ANO2: variants seen among roughly 807,000 people sequenced by gnomAD.
ANO2 encodes the protein anoctamin 2.
Under a neutral mutation model 124.2 loss-of-function variants are expected in ANO2, and 101 were observed. The ratio of observed to expected loss-of-function variants is 0.81; its 90% CI spans 0.69 to 0.96. The LOEUF (loss-of-function observed/expected upper bound fraction) is 0.96. Among genes scored for constraint, ANO2 ranks in the 40% least tolerant of loss-of-function variants. ANO2 has a pLI of 0.00. For synonymous variants in ANO2, 486 were observed against 482.5 expected (o/e 1.01, Z -0.09); for missense variants, 1,293 against 1,274.5 (o/e 1.01, Z -0.22).
intron 15 of ANO2, among the ~76,000 whole-genome samples, chr12:5,640,457 G>A (rs1350596206): frequency 2.0e-5 from 3 of 152,136 alleles, no homozygotes; most frequent in African/African-American, 7.2e-5. Flanking sequence ...CAGAATGGGA[G>A]GAAATTTTTG....
intron 13 of ANO2, among the ~76,000 whole-genome samples, chr12:5,737,947 C>T (rs1950941403): frequency 6.6e-6 from 1 of 152,210 alleles, no homozygotes; most frequent in Non-Finnish European, 1.5e-5. Flanking sequence ...GTATTAGCCT[C>T]AGGGTATATG....
At chr12:5,855,567 G>A (rs1325790539) in intron 3 of ANO2, among the ~76,000 whole-genome samples, 2 of 152,172 alleles carry the variant, frequency 1.3e-5, no homozygotes, top group African/African-American at 4.8e-5. Context: ...AAAGCCTTGG[G>A]TAGTCTAGAG....
At chr12:5,719,184 T>G (rs1370041615) in intron 14 of ANO2, among the ~76,000 whole-genome samples, 1 of 152,234 alleles carries the variant, frequency 6.6e-6, no homozygotes, top group African/African-American at 2.4e-5. Context: ...TGAGTCCAAC[T>G]TCCAACTGCC....
At chr12:5,874,149 C>A (rs1390027787) in intron 3 of ANO2, among the ~76,000 whole-genome samples, 3 of 152,164 alleles carry the variant, frequency 2.0e-5, no homozygotes, top group African/African-American at 4.8e-5. Context: ...GAAAAAAGAC[C>A]AGGAGGCTGA....
chr12:5,922,762 T>C lies in ANO2; in HGVS notation c.65A>G (p.Gln22Arg). The C allele has an allele frequency of 6.4e-7, 1 of 1,562,668 alleles. No individual in the cohort carries two copies. The highest frequency in any genetic ancestry group is 8.7e-7 in the Non-Finnish European group (1 of 1,154,932). The change falls in exon 2 of 25, where the codon CAG (glutamine) becomes CGG (arginine). Residue 22 changes from glutamine to arginine, a missense_variant. By Grantham distance (43) the Gln-to-Arg change is conservative (BLOSUM62 1). Transcript: ENST00000682330. ...GCCCTGGCCCCCTCTGGACCCTGCC[T>C]GAGGGCTCAGCCGGCGTGGGGAGCC... ...LPGSPRRLSPQAGSRGGQGPK... is the reference protein window; with the variant it reads ...LPGSPRRLSPRAGSRGGQGPK...
intron 14 of ANO2, among the ~76,000 whole-genome samples, chr12:5,669,533 C>A (rs189714883): frequency 1.3e-5 from 2 of 152,268 alleles, no homozygotes; most frequent in South Asian, 2.1e-4. Flanking sequence ...TTGTTTATTT[C>A]TCTTACCTGA....
At chr12:5,782,428 C>T (rs1159757755) in intron 10 of ANO2, among the ~76,000 whole-genome samples, 7 of 152,152 alleles carry the variant, frequency 4.6e-5, no homozygotes, top group Non-Finnish European at 7.3e-5. Flanking sequence ...ACCATTTATA[C>T]TTAATGTAAT....
At chr12:5,644,493 G>A (rs936670242) in intron 15 of ANO2, among the ~76,000 whole-genome samples, 1 of 152,050 alleles carries the variant, frequency 6.6e-6, no homozygotes, top group Admixed American at 6.5e-5. Flanking sequence ...TTTATCGACT[G>A]GACAATCTAA....
At chr12:5,689,760 A>T (rs1453776401) in intron 14 of ANO2, among the ~76,000 whole-genome samples, 1 of 152,098 alleles carries the variant, frequency 6.6e-6, no homozygotes, top group Non-Finnish European at 1.5e-5. Flanking sequence ...ACAGTCTTTG[A>T]TCTTCCCTGT....
chr12:5,887,924 T>C (rs115806178), intron 3 of ANO2, among the ~76,000 whole-genome samples: 119 of 152,172 alleles, frequency 7.8e-4, no homozygotes, highest in African/African-American at 2.7e-3. Flanking sequence ...TTCAGGTTTG[T>C]CTGCTCACAA....
At chr12:5,576,235 T>A (rs3759225) in intron 22 of ANO2, among the ~76,000 whole-genome samples, 2 of 152,118 alleles carry the variant, frequency 1.3e-5, no homozygotes, top group Admixed American at 6.5e-5. Context: ...AAAGAGCACA[T>A]GTCAACCACT....
intron 24 of ANO2, among the ~76,000 whole-genome samples, chr12:5,564,126 C>T (rs1241346765): frequency 6.6e-6 from 1 of 152,216 alleles, no homozygotes; most frequent in Non-Finnish European, 1.5e-5. Flanking sequence ...ACCCAACCCA[C>T]TGCTGACATT....
At chr12:5,831,809 T>C (rs1231041926) in intron 5 of ANO2, among the ~76,000 whole-genome samples, 2 of 152,126 alleles carry the variant, frequency 1.3e-5, no homozygotes, top group Non-Finnish European at 2.9e-5. Flanking sequence ...TCTTGCTCCA[T>C]TTTCTCATCA....
intron 16 of ANO2, among the ~76,000 whole-genome samples, chr12:5,625,798 A>G (rs1356945843): frequency 6.6e-6 from 1 of 152,100 alleles, no homozygotes; most frequent in African/African-American, 2.4e-5. Context: ...GCTCTACAAT[A>G]TGATTCACGA....
intron 1 of ANO2, among the ~76,000 whole-genome samples, chr12:5,941,564 AT>A (rs1478977221): frequency 2.0e-5 from 3 of 152,262 alleles, no homozygotes; most frequent in Admixed American, 6.5e-5. Flanking sequence ...AAGAAAAAAA[AT>A]AAAATAAAAA....
chr12:5,770,975 C>T (rs900748642), intron 10 of ANO2, among the ~76,000 whole-genome samples: 1 of 152,200 alleles, frequency 6.6e-6, no homozygotes, highest in African/African-American at 2.4e-5. Flanking sequence ...GTGATCACCC[C>T]ATCCCAAATG....
At chr12:5,913,236 A>T (rs1490813604) in intron 3 of ANO2, among the ~76,000 whole-genome samples, 1 of 152,208 alleles carries the variant, frequency 6.6e-6, no homozygotes, top group African/African-American at 2.4e-5. Context: ...AGACTTGAGA[A>T]TTATAAGAGG....
chr12:5,746,466 A>T (rs901368985), intron 11 of ANO2, among the ~76,000 whole-genome samples: 11 of 152,334 alleles, frequency 7.2e-5, no homozygotes, highest in African/African-American at 2.4e-4. Flanking sequence ...TTTGTGAGAG[A>T]GGCTGCCTCT....
chr12:5,924,209 C>T (rs1248940075), intron 1 of ANO2, among the ~76,000 whole-genome samples: 4 of 152,228 alleles, frequency 2.6e-5, no homozygotes, highest in Admixed American at 2.6e-4. Flanking sequence ...TGTGGAGCAG[C>T]CCCTTAGGTG....
Sources: allele counts gnomAD v4.1 joint callset (sites outside exome capture counted in the v4.1 genomes callset), GRCh38; gene constraint gnomAD v4.1.1; transcripts MANE v1.5; gene names NCBI Gene and HGNC (gene_info 2026-07-23, HGNC 2026-07-21).